MYO16: variants seen among roughly 807,000 people sequenced by gnomAD.
MYO16 encodes the protein myosin XVI.
A neutral mutation model predicts 205.3 loss-of-function variants in MYO16; 94 were observed. The observed-to-expected ratio is 0.46, with a 90% CI of 0.39 to 0.54. The LOEUF (loss-of-function observed/expected upper bound fraction) is 0.54. Among genes scored for constraint, MYO16 ranks in the 20% least tolerant of loss-of-function variants. MYO16 has a pLI of 0.00. For synonymous variants in MYO16, 988 were observed against 954.0 expected (o/e 1.04, Z -0.66); for missense variants, 2,315 against 2,387.5 (o/e 0.97, Z 0.63).
chr13:109,017,567 G>C (rs1465578569), intron 22 of MYO16, among the ~76,000 whole-genome samples: 1 of 152,078 alleles, frequency 6.6e-6, no homozygotes. Context: ...TTTCCAACTT[G>C]GTTCCCTTCT....
chr13:108,842,316 A>C (rs886730713), intron 9 of MYO16, among the ~76,000 whole-genome samples: 1 of 152,164 alleles, frequency 6.6e-6, no homozygotes, highest in African/African-American at 2.4e-5. Flanking sequence ...TGCAAACCAT[A>C]TACTTAGGTA....
intron 11 of MYO16, among the ~76,000 whole-genome samples, chr13:108,859,334 T>C (rs1318880671): frequency 6.6e-6 from 1 of 152,176 alleles, no homozygotes; most frequent in East Asian, 1.9e-4. Context: ...ACCAAAACCC[T>C]AATTTTAGAC....
intron 20 of MYO16, 72 bp downstream of exon 20, chr13:108,964,974 C>T (rs1462551486): frequency 2.7e-6 from 4 of 1,493,374 alleles, no homozygotes; most frequent in East Asian, 2.3e-5. Context: ...ACTCCAAAAG[C>T]AGCTTCATAT....
At chr13:109,174,375 G>A (rs1879067471) in intron 33 of MYO16, among the ~76,000 whole-genome samples, 1 of 152,118 alleles carries the variant, frequency 6.6e-6, no homozygotes, top group Admixed American at 6.5e-5. Context: ...AGACATGGTG[G>A]TTATTTATAG....
intron 2 of MYO16, among the ~76,000 whole-genome samples, chr13:108,702,527 G>A (rs1020632073): frequency 3.9e-5 from 6 of 152,100 alleles, no homozygotes; most frequent in African/African-American, 1.4e-4. Flanking sequence ...TAACAGGTCT[G>A]CCCTTCATGA....
rs34277540 is a variant in MYO16 at position 108,933,497 on chromosome 13, A to ATGTGTG, written c.1925+23363_1925+23368dup. Among the ~76,000 whole-genome samples the ATGTGTG allele has an allele frequency of 1.3e-3, 188 of 149,738 alleles. 1 individual carries two copies. The highest frequency in any genetic ancestry group is 4.4e-3 in the African/African-American group (181 of 41,020). ...CGATAATGTAAGATCGATTATTTGGATGTGTGTGTGTGTGTGTGTGTATGT... is the reference window on the plus strand; with the variant it reads ...CGATAATGTAAGATCGATTATTTGGATGTGTGTGTGTGTGTGTGTGTGTGTGTATGT... On this transcript the variant is annotated intron_variant, in intron 16 of 34. Transcript: ENST00000457511.
chr13:109,198,833 G>A (rs1340511688), intron 34 of MYO16, among the ~76,000 whole-genome samples: 1 of 152,090 alleles, frequency 6.6e-6, no homozygotes, highest in Non-Finnish European at 1.5e-5. Context: ...AGGTGATGAA[G>A]CCAGCGAATG....
At chr13:108,991,866 A>C (rs993297406) in intron 20 of MYO16, among the ~76,000 whole-genome samples, 1 of 152,222 alleles carries the variant, frequency 6.6e-6, no homozygotes, top group Admixed American at 6.5e-5. Flanking sequence ...AATCACCCAC[A>C]TAGTGTTACA....
chr13:108,743,859 T>G (rs927761108), intron 4 of MYO16, among the ~76,000 whole-genome samples: 1 of 152,234 alleles, frequency 6.6e-6, no homozygotes, highest in Non-Finnish European at 1.5e-5. Flanking sequence ...ATTCCAAAAC[T>G]TGACTCATTA....
chr13:108,697,586 C>T (rs1366460107), intron 2 of MYO16, among the ~76,000 whole-genome samples: 1 of 152,110 alleles, frequency 6.6e-6, no homozygotes, highest in Non-Finnish European at 1.5e-5. Context: ...CCTATCACTG[C>T]TGCTGATGAA....
Position 108,844,096 on chromosome 13 carries a change from T to C in MYO16, c.1098-247T>C, listed in dbSNP as rs1160650627. On this transcript the variant is annotated intron_variant, in intron 9 of 34. Coordinates refer to ENST00000457511, the MANE Select transcript of MYO16 (RefSeq NM_001198950.3). ...TCTATTATAGTCAGATATACATGTG[T>C]AAACATTTTCTTCTGGAGTTCAAAT... 3.3e-5 allele frequency among the ~76,000 whole-genome samples: 5 copies of C among 152,192 alleles called. No homozygotes were observed. The East Asian group carries it at 7.7e-4, about 23-fold the overall frequency.
chr13:108,852,928 A>C (rs189412075), intron 10 of MYO16, among the ~76,000 whole-genome samples: 5 of 152,380 alleles, frequency 3.3e-5, no homozygotes, highest in Non-Finnish European at 7.3e-5. Context: ...ACTGGGGTTT[A>C]AACACTGTTG....
At chr13:108,951,164 A>C (rs1298127209) in intron 16 of MYO16, among the ~76,000 whole-genome samples, 1 of 152,196 alleles carries the variant, frequency 6.6e-6, no homozygotes, top group African/African-American at 2.4e-5. Flanking sequence ...AGAACAAAAA[A>C]AGAAGAAAAC....
At chr13:108,871,506 A>C (rs992907021) in intron 12 of MYO16, among the ~76,000 whole-genome samples, 2 of 152,130 alleles carry the variant, frequency 1.3e-5, no homozygotes, top group South Asian at 2.1e-4. Context: ...TTTTCCTCCT[A>C]GCAGGCACAT....
At chr13:108,764,510 TG>T (rs137992240) in intron 4 of MYO16, among the ~76,000 whole-genome samples, 10,468 of 152,246 alleles carry the variant, frequency 0.069, 629 homozygotes, top group East Asian at 0.24. Context: ...GGGCACCGGC[TG>T]GTTTCATTCA....
At chr13:108,577,712 CATACTT>C in the MYO16 span, among the ~76,000 whole-genome samples, 2 of 152,238 alleles carry the variant, frequency 1.3e-5, no homozygotes, top group African/African-American at 4.8e-5. Context: ...GACTACAAGA[CATACTT>C]ATAGTCCCAT....
rs10220141 is a variant in MYO16, at chr13:109,165,716, G to A, written c.5323+657G>A. Among the ~76,000 whole-genome samples, 1,494 of 152,302 alleles carry A rather than the reference G, an allele frequency of 9.8e-3. 18 individuals are homozygous for A. The highest frequency in any genetic ancestry group is 0.031 in the African/African-American group (1,308 of 41,564). On this transcript the variant is annotated intron_variant, in intron 33 of 34. Coordinates refer to ENST00000457511, the MANE Select transcript of MYO16 (RefSeq NM_001198950.3). Reference sequence around the variant, plus strand: ...AAGACCTGGGAGTGGGGTGCAAGGTGAGCCGAAGCAAGGAAGCCCACACTT... The same window carrying A: ...AAGACCTGGGAGTGGGGTGCAAGGTAAGCCGAAGCAAGGAAGCCCACACTT...
At chr13:109,013,174 T>G (rs1885675854) in intron 22 of MYO16, among the ~76,000 whole-genome samples, 2 of 136,216 alleles carry the variant, frequency 1.5e-5, no homozygotes, top group Non-Finnish European at 3.1e-5. Flanking sequence ...TGTCCAAGTA[T>G]TCTCATTGTT....
the MYO16 span, among the ~76,000 whole-genome samples, chr13:108,526,152 T>C: frequency 1.3e-5 from 2 of 152,186 alleles, no homozygotes; most frequent in African/African-American, 2.4e-5. Flanking sequence ...TGTTGCAATT[T>C]TGGGGAATTT....
Sources: gnomAD v4.1 joint callset for allele counts (sites outside exome capture counted in the v4.1 genomes callset) on GRCh38, gnomAD v4.1.1 for gene constraint, MANE v1.5 for transcripts, NCBI Gene and HGNC (gene_info 2026-07-23, HGNC 2026-07-21) for gene names.